The following TDRD3 variants were observed in gnomAD, a reference collection of about 807,000 sequenced individuals.
TDRD3 encodes tudor domain containing 3, also known as tudor domain-containing protein 3.
In TDRD3, 45 loss-of-function variants were observed where a neutral mutation model predicts 86.7. The observed-to-expected ratio is 0.52, with a 90% CI of 0.41 to 0.67. The LOEUF is 0.67. Among genes scored for constraint, TDRD3 ranks in the 30% least tolerant of loss-of-function variants. TDRD3 has a pLI of 0.00. For synonymous variants in TDRD3, 298 were observed against 301.7 expected, an observed-to-expected ratio of 0.99 and a Z score of 0.13; for missense variants, 814 against 889.0, an observed-to-expected ratio of 0.92 and a Z score of 1.07.
At position 60,469,167 on chromosome 13, in the gene TDRD3, T is replaced by C. The variant is rs1445281618; in HGVS notation, c.495+1788T>C. Among the ~76,000 whole-genome samples the C allele has an allele frequency of 2.6e-5, 4 of 152,194 alleles. No homozygotes were observed. The East Asian group carries it at 7.7e-4, about 29-fold the overall frequency. ...TTTAATTGAAAATGTCCCAAAAAAG[T>C]AATTCAGAAGTAGCTTAATAGTTCT... On this transcript the variant is annotated intron_variant, in intron 5 of 13. Coordinates refer to ENST00000377881, the MANE Select transcript of TDRD3 (RefSeq NM_001146070.2).
intron 3 of TDRD3, among the ~76,000 whole-genome samples, chr13:60,449,595 T>C (rs989472052): frequency 3.3e-5 from 5 of 152,114 alleles, no homozygotes; most frequent in African/African-American, 9.7e-5. Flanking sequence ...GAGCAACTTA[T>C]GTGCCCTACT....
chr13:60,500,295 GTA>G (rs1956804660), intron 8 of TDRD3, among the ~76,000 whole-genome samples: 1 of 152,156 alleles, frequency 6.6e-6, no homozygotes, highest in South Asian at 2.1e-4. Context: ...AATGGAAGTT[GTA>G]TATGTGATTG....
At chr13:60,488,819 T>G (rs1472529934) in intron 7 of TDRD3, among the ~76,000 whole-genome samples, 1 of 152,176 alleles carries the variant, frequency 6.6e-6, no homozygotes, top group Non-Finnish European at 1.5e-5. Context: ...CCTCAGGTGA[T>G]CCGCTCACTT....
intron 5 of TDRD3, among the ~76,000 whole-genome samples, chr13:60,482,214 A>G (rs1956332734): frequency 6.6e-6 from 1 of 152,148 alleles, no homozygotes; most frequent in African/African-American, 2.4e-5. Context: ...AAACAGCCCC[A>G]CAACTTCCAG....
chr13:60,448,768 A>G (rs1431082426), intron 3 of TDRD3, among the ~76,000 whole-genome samples: 1 of 152,190 alleles, frequency 6.6e-6, no homozygotes, highest in Non-Finnish European at 1.5e-5. Context: ...AATTATGGAA[A>G]AAGTCATGAT....
intron 8 of TDRD3, 85 bp from the exon 9 acceptor site, chr13:60,509,678 T>C (rs1316343745): frequency 6.6e-7 from 1 of 1,507,482 alleles, no homozygotes. Context: ...ATGTAATTTT[T>C]AGTTAAAAGA....
Position 60,456,431 on chromosome 13 carries a change from G to T in TDRD3, c.193-3949G>T, listed in dbSNP as rs73208064. Among the ~76,000 whole-genome samples, 880 of 152,192 alleles carry T rather than the reference G, an allele frequency of 5.8e-3. 10 individuals are homozygous for T. Among genetic ancestry groups the T allele is most frequent in the Non-Finnish European group, 9.1e-3 (619 of 68,002 alleles). On this transcript the variant is annotated intron_variant, in intron 3 of 13. Coordinates refer to ENST00000377881, the MANE Select transcript of TDRD3 (RefSeq NM_001146070.2). ...TTCTAGCAGATACTTAATATTGTTT[G>T]TTAGAGTTAGACATGCTTACCTGGA...
intron 4 of TDRD3, among the ~76,000 whole-genome samples, chr13:60,462,671 T>TTTATTA (rs564814817): frequency 1.3e-5 from 2 of 151,708 alleles, no homozygotes; most frequent in African/African-American, 2.4e-5. Flanking sequence ...CTTGCTAGTT[T>TTTATTA]TTATTATTAT....
intron 12 of TDRD3, among the ~76,000 whole-genome samples, chr13:60,554,657 T>C (rs1403045933): frequency 1.3e-5 from 2 of 152,236 alleles, no homozygotes; most frequent in Non-Finnish European, 2.9e-5. Context: ...GTGACTCTAA[T>C]ACAGAGACTT....
chr13:60,498,707 A>G (rs1262966751), intron 8 of TDRD3, among the ~76,000 whole-genome samples: 2 of 152,166 alleles, frequency 1.3e-5, no homozygotes, highest in Non-Finnish European at 2.9e-5. Flanking sequence ...CAGTTTATGC[A>G]GTGAGTCTTT....
At chr13:60,453,996 G>A (rs1420172909) in intron 3 of TDRD3, among the ~76,000 whole-genome samples, 6 of 151,596 alleles carry the variant, frequency 4.0e-5, no homozygotes, top group African/African-American at 1.5e-4. Context: ...GGAAATATAT[G>A]TGTATTTACA....
chr13:60,567,794 G>C, intron 13 of TDRD3, 144 bp downstream of exon 13: 1 of 1,083,870 alleles, frequency 9.2e-7, no homozygotes, highest in East Asian at 2.7e-5. Context: ...CGTGATCTCG[G>C]CTCACTGTAA....
At chr13:60,516,060 T>C (rs954398398) in intron 10 of TDRD3, among the ~76,000 whole-genome samples, 1 of 152,220 alleles carries the variant, frequency 6.6e-6, no homozygotes, top group African/African-American at 2.4e-5. Flanking sequence ...TAGACTCAAA[T>C]TGACATTACA....
rs1956938746 is a variant in TDRD3 at position 60,506,437 on chromosome 13, T to C, written c.859-3326T>C. On this transcript the variant is annotated intron_variant, in intron 8 of 13. Transcript: ENST00000377881. Reference sequence around the variant, plus strand: ...ACCGGTACTAACCACTGCAAAAACATACCAAATTGTAAAGAACATTGACAC... The same window carrying C: ...ACCGGTACTAACCACTGCAAAAACACACCAAATTGTAAAGAACATTGACAC... 2.0e-5 allele frequency among the ~76,000 whole-genome samples: 3 copies of C among 152,114 alleles called. 1 individual carries two copies. In the South Asian group the frequency reaches 6.2e-4, roughly 32 times the overall value.
At chr13:60,441,923 A>G (rs1349609563) in intron 2 of TDRD3, among the ~76,000 whole-genome samples, 1 of 152,138 alleles carries the variant, frequency 6.6e-6, no homozygotes, top group Admixed American at 6.6e-5. Context: ...ACAGATGTCC[A>G]CCATAAATCA....
At chr13:60,508,656 C>T (rs537296531) in intron 8 of TDRD3, among the ~76,000 whole-genome samples, 139 of 152,150 alleles carry the variant, frequency 9.1e-4, no homozygotes, top group Non-Finnish European at 9.4e-4. Context: ...GACCTAAAAC[C>T]ATAAAAATCC....
chr13:60,532,429 ATCT>A (rs754096974), intron 11 of TDRD3, among the ~76,000 whole-genome samples: 1 of 152,196 alleles, frequency 6.6e-6, no homozygotes, highest in Non-Finnish European at 1.5e-5. Context: ...GAATTAGTTA[ATCT>A]TCTGAAACCA....
chr13:60,416,024 A>T (rs1331152451), intron 1 of TDRD3, among the ~76,000 whole-genome samples: 1 of 152,206 alleles, frequency 6.6e-6, no homozygotes, highest in Non-Finnish European at 1.5e-5. Flanking sequence ...ATTAGTGTTA[A>T]TGTTGGACAT....
chr13:60,499,792 G>A (rs1182171883), intron 8 of TDRD3, among the ~76,000 whole-genome samples: 1 of 152,204 alleles, frequency 6.6e-6, no homozygotes, highest in African/African-American at 2.4e-5. Flanking sequence ...CCAAGAAAGA[G>A]GCACAATGCC....
Sources: allele counts gnomAD v4.1 joint callset (sites outside exome capture counted in the v4.1 genomes callset), GRCh38; gene constraint gnomAD v4.1.1; transcripts MANE v1.5; gene names NCBI Gene and HGNC (gene_info 2026-07-23, HGNC 2026-07-21).